Variants in PPM1E observed in about 807,000 individuals in gnomAD.
The protein encoded by PPM1E is protein phosphatase, Mg2+/Mn2+ dependent 1E, also known as protein phosphatase 1E.
A neutral mutation model predicts 65.9 loss-of-function variants in PPM1E; 20 were observed. The observed-to-expected ratio is 0.30, with a 90% confidence interval of 0.21 to 0.44. PPM1E has a LOEUF of 0.44. PPM1E is among the 20% of genes least tolerant of loss of function. The pLI is 1.00. For synonymous variants in PPM1E, 352 were observed against 374.9 expected, an observed-to-expected ratio of 0.94 and a Z score of 0.70; for missense variants, 713 against 953.1, an observed-to-expected ratio of 0.75 and a Z score of 3.32.
intron 1 of PPM1E, among the ~76,000 whole-genome samples, chr17:58,776,836 G>C (rs145536412): frequency 6.6e-6 from 1 of 152,246 alleles, no homozygotes; most frequent in East Asian, 1.9e-4. Context: ...CTCAGAAGAA[G>C]AGAACTAAAT....
chr17:58,839,622 AATAG>A (rs1247693806), intron 1 of PPM1E, among the ~76,000 whole-genome samples: 5 of 152,172 alleles, frequency 3.3e-5, no homozygotes, highest in East Asian at 1.9e-4. Context: ...ACAATAAGAA[AATAG>A]ATAGCAGATA....
At chr17:58,799,300 G>A (rs528867668) in intron 1 of PPM1E, among the ~76,000 whole-genome samples, 19 of 151,062 alleles carry the variant, frequency 1.3e-4, no homozygotes, top group African/African-American at 4.6e-4. Flanking sequence ...TTTTTTTTGA[G>A]ACAAGGTCTT....
chr17:58,766,604 TATACACACACAC>T (rs957012014), intron 1 of PPM1E, among the ~76,000 whole-genome samples: 4 of 103,414 alleles, frequency 3.9e-5, no homozygotes, highest in African/African-American at 2.2e-4. Context: ...TATGTGTGTG[TATACACACACAC>T]ACACACACAC....
intron 1 of PPM1E, among the ~76,000 whole-genome samples, chr17:58,759,537 T>C (rs2049802837): frequency 6.6e-6 from 1 of 152,266 alleles, no homozygotes; most frequent in South Asian, 2.1e-4. Flanking sequence ...TTTGTTTTAA[T>C]CCAGAAGAAG....
intron 1 of PPM1E, among the ~76,000 whole-genome samples, chr17:58,882,246 C>T (rs1342139141): frequency 6.6e-6 from 1 of 152,070 alleles, no homozygotes; most frequent in African/African-American, 2.4e-5. Flanking sequence ...CTATCTTATT[C>T]CCCTCTCCAG....
intron 1 of PPM1E, among the ~76,000 whole-genome samples, chr17:58,829,993 C>G (rs1034895506): frequency 2.0e-5 from 3 of 151,980 alleles, no homozygotes; most frequent in Non-Finnish European, 4.4e-5. Flanking sequence ...ACAGCCTGGT[C>G]AACATAGTAA....
At chr17:58,851,775 C>T (rs367928104) in intron 1 of PPM1E, among the ~76,000 whole-genome samples, 1 of 152,202 alleles carries the variant, frequency 6.6e-6, no homozygotes, top group African/African-American at 2.4e-5. Flanking sequence ...ATCTCAAATT[C>T]CATGCTGGGA....
At position 58,756,380 on chromosome 17, in the gene PPM1E, C is replaced by G; in HGVS notation, c.383C>G (p.Pro128Arg). The change falls in exon 1 of 7, where the codon CCG (proline) becomes CGG (arginine). Residue 128 changes from proline to arginine, a missense_variant. Transcript: ENST00000308249. ...PPQLPPLPPL[P>R]RPLSERITRE... The stretch of plus-strand genomic sequence containing the variant: ...CAGCTGCCGCCTTTGCCCCCGCTCC[C>G]GCGACCGCTGTCAGAGCGCATCACC... The G allele has an allele frequency of 7.3e-7, 1 of 1,372,788 alleles. No homozygotes were observed. Among genetic ancestry groups the G allele is most frequent in the East Asian group, 3.1e-5 (1 of 32,686 alleles). The allele number at this position is 1,372,788 out of a possible 1,614,324, so 85.0% of individuals were successfully genotyped here.
intron 2 of PPM1E, among the ~76,000 whole-genome samples, chr17:58,958,930 A>G (rs2029935673): frequency 6.6e-6 from 1 of 152,130 alleles, no homozygotes; most frequent in Non-Finnish European, 1.5e-5. Context: ...AAAAGAAGGA[A>G]AATTTGCATA....
chr17:58,797,491 GCTT>G (rs922420367), intron 1 of PPM1E, among the ~76,000 whole-genome samples: 1 of 152,110 alleles, frequency 6.6e-6, no homozygotes, highest in Non-Finnish European at 1.5e-5. Flanking sequence ...TTTGTGGAAA[GCTT>G]CTTTCAGACA....
Position 58,972,924 on chromosome 17 carries a change from T to C in PPM1E, c.1209T>C (p.Ile403=). 1 of 1,611,726 alleles carries C rather than the reference T, an allele frequency of 6.2e-7. No individual in the cohort carries two copies. Among genetic ancestry groups the C allele is most frequent in the Non-Finnish European group, 8.5e-7 (1 of 1,178,444 alleles). ...GAAGTCTGTCGGTTTCCAGAGCTAT[T>C]GGTAGGAAAAACAAATTTTTGTTTC... ...VNGSLSVSRA[I]GDAEHKPYIC... is the part of the protein sequence containing the mutation. The change falls in exon 6 of 7, where the codon ATT becomes ATC. Residue 403 remains isoleucine (I), a splice_region_variant and synonymous_variant. Transcript: ENST00000308249.
chr17:58,978,160 G>T (rs2031134115), intron 6 of PPM1E, among the ~76,000 whole-genome samples: 2 of 152,182 alleles, frequency 1.3e-5, no homozygotes, highest in Admixed American at 1.3e-4. Context: ...TTAGTGCAAT[G>T]GAAAGGATAG....
chr17:58,768,014 G>T (rs1318359066), intron 1 of PPM1E, among the ~76,000 whole-genome samples: 2 of 151,920 alleles, frequency 1.3e-5, no homozygotes, highest in South Asian at 4.1e-4. Context: ...GCAGTGGTGC[G>T]ATCTTGGCTC....
chr17:58,962,464 A>G (rs989358024), intron 2 of PPM1E, among the ~76,000 whole-genome samples: 1 of 152,006 alleles, frequency 6.6e-6, no homozygotes, highest in Non-Finnish European at 1.5e-5. Context: ...TTCTCCCTCA[A>G]AGTTTCTAAA....
At chr17:58,827,240 C>T (rs184625465) in intron 1 of PPM1E, among the ~76,000 whole-genome samples, 19 of 148,014 alleles carry the variant, frequency 1.3e-4, no homozygotes, top group African/African-American at 2.0e-4. Context: ...TGGGTTCAAG[C>T]GATTCTCCTG....
At chr17:58,889,855 A>G (rs1228590958) in intron 1 of PPM1E, among the ~76,000 whole-genome samples, 2 of 152,232 alleles carry the variant, frequency 1.3e-5, no homozygotes, top group African/African-American at 2.4e-5. Context: ...TTTAAAGGCT[A>G]TGCATAATAA....
intron 1 of PPM1E, among the ~76,000 whole-genome samples, chr17:58,863,245 CAA>C (rs945593847): frequency 8.5e-5 from 13 of 152,310 alleles, no homozygotes; most frequent in African/African-American, 3.1e-4. Flanking sequence ...CAGTGAAACA[CAA>C]GAGTTCCCTT....
intron 1 of PPM1E, among the ~76,000 whole-genome samples, chr17:58,898,308 A>G (rs1289728801): frequency 1.3e-5 from 2 of 152,118 alleles, no homozygotes; most frequent in African/African-American, 4.8e-5. Context: ...AAACAAATTT[A>G]CAAGAAAAAA....
Position 58,770,036 on chromosome 17 carries a change from A to G in PPM1E, c.464+13575A>G, listed in dbSNP as rs138189010. On this transcript the variant is annotated intron_variant, in intron 1 of 6. Transcript: ENST00000308249. ...AGCAAAACTCTATCTAAAAAAAACA[A>G]CAACAACAAGAAAAAACCAGTGGAT... 5.7e-3 allele frequency among the ~76,000 whole-genome samples: 872 copies of G among 152,202 alleles called. 5 individuals carry two copies. Among genetic ancestry groups the G allele is most frequent in the African/African-American group, 9.3e-3 (386 of 41,538 alleles).
Sources: gnomAD v4.1 joint callset for allele counts (sites outside exome capture counted in the v4.1 genomes callset) on GRCh38, gnomAD v4.1.1 for gene constraint, MANE v1.5 for transcripts, NCBI Gene and HGNC (gene_info 2026-07-23, HGNC 2026-07-21) for gene names.